The following TTF2 variants were observed in gnomAD, a reference collection of about 807,000 sequenced individuals.
TTF2 encodes RNA polymerase II termination factor.
TTF2 carries 108 observed loss-of-function variants against 142.4 expected under a neutral mutation model. The observed-to-expected ratio is 0.76, with a 90% confidence interval of 0.65 to 0.89. TTF2 has a LOEUF of 0.89. Ranked by LOEUF, TTF2 falls within the 40% of genes least tolerant of loss-of-function variation. TTF2 has a pLI of 0.00. For synonymous variants in TTF2, 483 were observed against 506.2 expected (o/e 0.95, Z 0.61); for missense variants, 1,327 against 1,379.8 (o/e 0.96, Z 0.61).
In TTF2 at chr1:117,080,595, T is replaced by C. The variant is rs553473596; in HGVS notation, c.1783+946T>C. On this transcript the variant is annotated intron_variant, in intron 9 of 22. Coordinates refer to ENST00000369466, the MANE Select transcript of TTF2 (RefSeq NM_003594.4). This position sits in a 1 kb window ranked among gnomAD's most constrained non-coding sequence, Gnocchi z 4.3. ...CTTGTCAGGCTAAAATTTTCTAAGG[T>C]GTTCAATTTTCAGAAACCATGATAG... 1.6e-4 allele frequency among the ~76,000 whole-genome samples: 25 copies of C among 152,296 alleles called. No homozygotes were observed. Among genetic ancestry groups the C allele is most frequent in the African/African-American group, 5.5e-4 (23 of 41,560 alleles).
At position 117,088,964 on chromosome 1, in the gene TTF2, A is replaced by C; in HGVS notation, c.2324A>C (p.Asp775Ala). Residue 775 changes from aspartate to alanine, a missense_variant, in exon 13 of 23, where the codon GAT (aspartate) becomes GCT (alanine). By Grantham distance (126) the Asp-to-Ala change is moderately radical. Transcript: ENST00000369466. ...TGTPIQNNLLDMYSLLKFLRC... is the reference protein window; with the variant it reads ...TGTPIQNNLLAMYSLLKFLRC... The stretch of plus-strand genomic sequence containing the variant: ...ACCCCCATTCAAAACAACTTATTGG[A>C]TATGTATTCGCTGCTGAAGTGAGTA... 6.2e-7 allele frequency: 1 copy of C among 1,612,492 alleles called. No homozygotes were observed. The highest frequency in any genetic ancestry group is 8.5e-7 in the Non-Finnish European group (1 of 1,179,386).
At position 117,105,796 on chromosome 1, in the gene TTF2, TTC is replaced by T. The variant is rs1649895708; in HGVS notation, c.*4274_*4275del. 1 of 152,130 alleles carries T rather than the reference TTC, an allele frequency of 6.6e-6. No individual in the cohort carries two copies. Among genetic ancestry groups the T allele is most frequent in the African/African-American group, 2.4e-5 (1 of 41,412 alleles). 9.4% of individuals were successfully genotyped at this position (152,130 alleles called of 1,614,324 possible). On this transcript the variant is annotated 3_prime_UTR_variant, in exon 23 of 23. Transcript: ENST00000369466. The surrounding 1 kb of genome is among the most constrained non-coding windows in gnomAD (Gnocchi z 4.7). The stretch of plus-strand genomic sequence containing the variant: ...GAAGGAAAAACAGAAAAAAAAAATT[TTC>T]TGTTTATGGGAGGTGACTTATTTCT...
rs1198319429 is a variant in TTF2 at position 117,102,756 on chromosome 1, A to C, written c.*1232A>C. 3 of 150,674 alleles carry C rather than the reference A, an allele frequency of 2.0e-5. No homozygotes were observed. Among genetic ancestry groups the C allele is most frequent in the Non-Finnish European group, 2.9e-5 (2 of 68,022 alleles). 9.3% of individuals were successfully genotyped at this position (150,674 alleles called of 1,614,324 possible). A position where few individuals can be genotyped will look rare whatever the true frequency, so the allele number is the denominator to read the frequency against. Reference sequence around the variant, plus strand: ...ATACTAATCCAATCCAATACTAATAATACTATTGGTACAATCCAATACTAA... The same window carrying C: ...ATACTAATCCAATCCAATACTAATACTACTATTGGTACAATCCAATACTAA... On this transcript the variant is annotated 3_prime_UTR_variant, in exon 23 of 23. Coordinates refer to ENST00000369466, the MANE Select transcript of TTF2 (RefSeq NM_003594.4).
In TTF2 at chr1:117,096,145, C is replaced by G; in HGVS notation, c.3036-4C>G. ...GTATTTTTTTATTTTATTCTTCTTT[C>G]CAGTGTCATTGTCTCTCAGTGGACC... On this transcript the variant is annotated splice_polypyrimidine_tract_variant and splice_region_variant and intron_variant, in intron 19 of 22. Transcript: ENST00000369466. The G allele has an allele frequency of 6.2e-7, 1 of 1,613,792 alleles. No homozygotes were observed. Among genetic ancestry groups the G allele is most frequent in the African/African-American group, 1.3e-5 (1 of 74,956 alleles).
chr1:117,068,356 G>A (rs1656312974), intron 3 of TTF2, among the ~76,000 whole-genome samples: 1 of 152,022 alleles, frequency 6.6e-6, no homozygotes, highest in Non-Finnish European at 1.5e-5. Flanking sequence ...AGAACACTTG[G>A]ACATAGGGCG....
rs776758123 is a variant in TTF2 at position 117,070,313 on chromosome 1, T to G, written c.219-3348T>G. ...TTTGTGTGAACGTCACTGTGTGAAC[T>G]TACACAAACCTACTTGGTATAGCCT... On this transcript the variant is annotated intron_variant, in intron 3 of 22. Coordinates refer to ENST00000369466, the MANE Select transcript of TTF2 (RefSeq NM_003594.4). The surrounding 1 kb of genome is among the most constrained non-coding windows in gnomAD (Gnocchi z 4.2). Among the ~76,000 whole-genome samples the G allele has an allele frequency of 6.6e-6, 1 of 152,270 alleles. No homozygotes were observed. The highest frequency in any genetic ancestry group is 1.5e-5 in the Non-Finnish European group (1 of 68,048).
chr1:117,104,650 G>A lies in TTF2; in HGVS notation c.*3126G>A, dbSNP rs554430753. On this transcript the variant is annotated 3_prime_UTR_variant, in exon 23 of 23. Transcript: ENST00000369466. Reference sequence around the variant, plus strand: ...CCGTGAGATGCTACTGACTTGAGGTGGATGCAGAAAAAAATGGAACCACTG... The same window carrying A: ...CCGTGAGATGCTACTGACTTGAGGTAGATGCAGAAAAAAATGGAACCACTG... The A allele has an allele frequency of 2.6e-5, 4 of 152,246 alleles. No individual in the cohort carries two copies. Among genetic ancestry groups the A allele is most frequent in the Non-Finnish European group, 4.4e-5 (3 of 68,024 alleles). 9.4% of individuals were successfully genotyped at this position (152,246 alleles called of 1,614,324 possible).
In TTF2 at chr1:117,087,891, C is replaced by G. The variant is rs1314193524; in HGVS notation, c.2161-910C>G. Among the ~76,000 whole-genome samples the G allele has an allele frequency of 1.3e-5, 2 of 152,218 alleles. No homozygotes were observed. The highest frequency in any genetic ancestry group is 2.9e-5 in the Non-Finnish European group (2 of 68,044). ...CCTTGTGCTTACATAAGTTATAGCA[C>G]TTTGTTTCTTCAGCAGACGTTGAGT... is the stretch of plus-strand genomic sequence containing the variant. On this transcript the variant is annotated intron_variant, in intron 12 of 22. Transcript: ENST00000369466. The surrounding 1 kb of genome is among the most constrained non-coding windows in gnomAD (Gnocchi z 4.8).
At chr1:117,077,743 G>T (rs780327391) in intron 7 of TTF2, among the ~76,000 whole-genome samples, 173 bp from the exon 8 acceptor site, 6 of 152,158 alleles carry the variant, frequency 3.9e-5, no homozygotes, top group Non-Finnish European at 5.9e-5. Flanking sequence ...GACCAGAAAA[G>T]CAAAAGCCAC....
Position 117,106,841 on chromosome 1 carries a change from A to G in TTF2, c.*5317A>G, listed in dbSNP as rs1649982031. On this transcript the variant is annotated 3_prime_UTR_variant, in exon 23 of 23. Coordinates refer to ENST00000369466, the MANE Select transcript of TTF2 (RefSeq NM_003594.4). ...TGAGCCAAACCTACCATACAGGGATACATTCTCTGGAGGAAAGTTGAGCAA... is the reference window on the plus strand; with the variant it reads ...TGAGCCAAACCTACCATACAGGGATGCATTCTCTGGAGGAAAGTTGAGCAA... The G allele has an allele frequency of 6.6e-6, 1 of 152,270 alleles. No individual in the cohort carries two copies. Among genetic ancestry groups the G allele is most frequent in the African/African-American group, 2.4e-5 (1 of 41,458 alleles). The allele number at this position is 152,270 out of a possible 1,614,324, so 9.4% of individuals were successfully genotyped here.
chr1:117,090,286 A>G lies in TTF2; in HGVS notation c.2496+78A>G. On this transcript the variant is annotated intron_variant, in intron 14 of 22. Transcript: ENST00000369466. The surrounding 1 kb of genome is among the most constrained non-coding windows in gnomAD (Gnocchi z 4.8). ...TGTCCTTGTCTTGGGTTGAACAGCC[A>G]TCTGCTTTGCTTCAGGAGCCTCTGA... 1 of 1,546,534 alleles carries G rather than the reference A, an allele frequency of 6.5e-7. No individual in the cohort carries two copies. Among genetic ancestry groups the G allele is most frequent in the Non-Finnish European group, 8.7e-7 (1 of 1,147,356 alleles).
In TTF2 at chr1:117,064,906, T is replaced by C. The variant is rs577800999; in HGVS notation, c.218+2433T>C. Among the ~76,000 whole-genome samples, 75 of 152,008 alleles carry C rather than the reference T, an allele frequency of 4.9e-4. 1 individual carries two copies. Among genetic ancestry groups the C allele is most frequent in the Non-Finnish European group, 1.6e-4 (11 of 67,988 alleles). Reference sequence around the variant, plus strand: ...TATCTTAAATTACTTTTGTGTAGTATATCAGGTAGGGTAGAGGTTCATTTA... The same window carrying C: ...TATCTTAAATTACTTTTGTGTAGTACATCAGGTAGGGTAGAGGTTCATTTA... On this transcript the variant is annotated intron_variant, in intron 3 of 22. Transcript: ENST00000369466.
In TTF2 at chr1:117,091,931, A is replaced by C; in HGVS notation, c.2786A>C (p.His929Pro). Reference sequence around the variant, plus strand: ...CTGAGACTCCGCCAGTGTTGCTGTCATCTTTCTTTACTGAAGTCGGTAAGA... The same window carrying C: ...CTGAGACTCCGCCAGTGTTGCTGTCCTCTTTCTTTACTGAAGTCGGTAAGA... ...QLLRLRQCCC[H>P]LSLLKSALDP... is the part of the protein sequence containing the mutation. The change falls in exon 17 of 23, where the codon CAT becomes CCT. Residue 929 changes from histidine to proline, a missense_variant. Coordinates refer to ENST00000369466, the MANE Select transcript of TTF2 (RefSeq NM_003594.4). 1 of 1,612,278 alleles carries C rather than the reference A, an allele frequency of 6.2e-7. No homozygotes were observed. Among genetic ancestry groups the C allele is most frequent in the African/African-American group, 1.3e-5 (1 of 74,886 alleles).
rs1649597742 is a variant in TTF2, at chr1:117,101,694, G to C, written c.*170G>C. ...AATCTTATCCCCAGAATTGAGGAGG[G>C]GTTGTGTTAACCAATTAGTTAACCA... On this transcript the variant is annotated 3_prime_UTR_variant, in exon 23 of 23. Transcript: ENST00000369466. The surrounding 1 kb of genome is among the most constrained non-coding windows in gnomAD (Gnocchi z 5.9). 10 of 651,072 alleles carry C rather than the reference G, an allele frequency of 1.5e-5. No individual in the cohort carries two copies. Among genetic ancestry groups the C allele is most frequent in the African/African-American group, 1.9e-5 (1 of 53,926 alleles). The allele number at this position is 651,072 out of a possible 1,614,324, so 40.3% of individuals were successfully genotyped here.
At position 117,102,820 on chromosome 1, in the gene TTF2, A is replaced by G. The variant is rs1570896909; in HGVS notation, c.*1296A>G. Reference sequence around the variant, plus strand: ...ACAATCCAATACTAATAATACTAACAGTAGTATTGATACAATCTAATAAAT... The same window carrying G: ...ACAATCCAATACTAATAATACTAACGGTAGTATTGATACAATCTAATAAAT... On this transcript the variant is annotated 3_prime_UTR_variant, in exon 23 of 23. Coordinates refer to ENST00000369466, the MANE Select transcript of TTF2 (RefSeq NM_003594.4). 1 of 152,062 alleles carries G rather than the reference A, an allele frequency of 6.6e-6. No homozygotes were observed. The highest frequency in any genetic ancestry group is 2.4e-5 in the African/African-American group (1 of 41,418). 9.4% of individuals were successfully genotyped at this position (152,062 alleles called of 1,614,324 possible). A position where few individuals can be genotyped will look rare whatever the true frequency, so the allele number is the denominator to read the frequency against.
At position 117,079,224 on chromosome 1, in the gene TTF2, A is replaced by G. The variant is rs2101048674; in HGVS notation, c.1702-344A>G. ...CACTGCACTCTAGCCTGGGCAACAG[A>G]GCGAGGCTGTCTCAAAAAAATAAAA... is the stretch of plus-strand genomic sequence containing the variant. On this transcript the variant is annotated intron_variant, in intron 8 of 22. Coordinates refer to ENST00000369466, the MANE Select transcript of TTF2 (RefSeq NM_003594.4). The surrounding 1 kb of genome is among the most constrained non-coding windows in gnomAD (Gnocchi z 4.2). Among the ~76,000 whole-genome samples, 1 of 152,302 alleles carries G rather than the reference A, an allele frequency of 6.6e-6. No individual in the cohort carries two copies. Among genetic ancestry groups the G allele is most frequent in the East Asian group, 1.9e-4 (1 of 5,178 alleles).
In TTF2 at chr1:117,095,306, C is replaced by T; in HGVS notation, c.2977-3C>T. On this transcript the variant is annotated splice_polypyrimidine_tract_variant and splice_region_variant and intron_variant, in intron 18 of 22. Transcript: ENST00000369466. ...ATACAATGTTGATGTAACCTTTTCC[C>T]AGATTTCATCTCTGTTGGCAGAATT... 6.2e-7 allele frequency: 1 copy of T among 1,614,026 alleles called. No individual in the cohort carries two copies. The highest frequency in any genetic ancestry group is 1.3e-5 in the African/African-American group (1 of 75,014).
intron 12 of TTF2, among the ~76,000 whole-genome samples, chr1:117,088,598 G>T (rs116824226): frequency 0.012 from 1,759 of 152,034 alleles, 17 homozygotes; most frequent in Middle Eastern, 0.021. Context: ...TATGTTCAAA[G>T]ACTGAGACTC....
At chr1:117,094,176 C>T (rs1355035939) in intron 18 of TTF2, among the ~76,000 whole-genome samples, 1 of 152,180 alleles carries the variant, frequency 6.6e-6, no homozygotes, top group Non-Finnish European at 1.5e-5. Context: ...CATGTGGTGA[C>T]CACTGTAATG....
Sources: gnomAD v4.1 joint callset for allele counts (sites outside exome capture counted in the v4.1 genomes callset) on GRCh38, gnomAD v4.1.1 for gene constraint, Gnocchi (gnomAD v3.1) non-coding constraint, MANE v1.5 for transcripts, NCBI Gene and HGNC (gene_info 2026-07-23, HGNC 2026-07-21) for gene names.